The following PPWD1 variants were observed in gnomAD, a reference collection of about 807,000 sequenced individuals.
PPWD1 encodes the protein peptidylprolyl isomerase domain and WD repeat containing 1.
A neutral mutation model predicts 68.8 loss-of-function variants in PPWD1; 43 were observed. That is an observed-to-expected ratio of 0.62 (90% CI 0.49 to 0.81). The LOEUF is 0.81. Ranked by LOEUF, PPWD1 falls within the 30% of genes least tolerant of loss-of-function variation. The pLI is 0.00. For missense variants in PPWD1, 672 were observed against 804.8 expected, an observed-to-expected ratio of 0.83 and a Z score of 2.00; for synonymous variants, 232 against 258.7, an observed-to-expected ratio of 0.90 and a Z score of 0.99.
intron 8 of PPWD1, 178 bp downstream of exon 8, chr5:65,583,397 AT>A: frequency 1.7e-6 from 1 of 586,278 alleles, no homozygotes; most frequent in Non-Finnish European, 2.7e-6. Context: ...AAAATGGGAA[AT>A]TTTTATGCAT....
In PPWD1 at chr5:65,572,023, A is replaced by T; in HGVS notation, c.706A>T (p.Lys236Ter). 6.2e-7 allele frequency: 1 copy of T among 1,614,130 alleles called. No individual in the cohort carries two copies. Residue 236 changes from lysine to a stop codon, truncating the protein, a stop_gained, in exon 5 of 11, where the codon AAA (lysine) becomes TAA (stop). Transcript: ENST00000261308. LOFTEE classifies it high-confidence loss of function. ...LTQIRLNPVY[K>*]AVVSSDKSGM... ...TCAGATACGGCTAAACCCAGTTTACAAAGCAGTAGTGTCTTCTGACAAATC... is the reference window on the plus strand; with the variant it reads ...TCAGATACGGCTAAACCCAGTTTACTAAGCAGTAGTGTCTTCTGACAAATC...
intron 1 of PPWD1, among the ~76,000 whole-genome samples, chr5:65,564,318 CTTT>C (rs550753414): frequency 3.4e-5 from 4 of 117,208 alleles, no homozygotes; most frequent in African/African-American, 1.0e-4. Context: ...TTTTCTCTCT[CTTT>C]TTTTTTTTTT....
chr5:65,584,527 A>C (rs1753735504), intron 8 of PPWD1, among the ~76,000 whole-genome samples: 1 of 152,138 alleles, frequency 6.6e-6, no homozygotes, highest in African/African-American at 2.4e-5. Flanking sequence ...CTATACTACT[A>C]CATGCAGACC....
chr5:65,579,275 T>G, intron 6 of PPWD1, 149 bp from the exon 7 acceptor site: 1 of 1,235,452 alleles, frequency 8.1e-7, no homozygotes, highest in Non-Finnish European at 1.0e-6. Context: ...TTGATACCTT[T>G]TGGGGGGTAG....
Position 65,579,424 on chromosome 5 carries a change from G to A in PPWD1, c.1161G>A (p.Arg387=). 2 of 1,506,784 alleles carry A rather than the reference G, an allele frequency of 1.3e-6. No individual in the cohort carries two copies. The highest frequency in any genetic ancestry group is 1.8e-6 in the Non-Finnish European group (2 of 1,128,370). The allele number at this position is 1,506,784 out of a possible 1,614,324, so 93.3% of individuals were successfully genotyped here. ...GIKVINVETN[R]CVRILGKQEN... Reference sequence around the variant, plus strand: ...GTATAAAACATTGTTATATTTTTAGGTGTGTGCGGATTTTAGGCAAACAAG... The same window carrying A: ...GTATAAAACATTGTTATATTTTTAGATGTGTGCGGATTTTAGGCAAACAAG... Residue 387 remains arginine, a splice_region_variant and synonymous_variant, in exon 7 of 11, where the codon CGG becomes CGA. Transcript: ENST00000261308.
chr5:65,584,767 T>C lies in PPWD1; in HGVS notation c.1533-247T>C, dbSNP rs575787267. ...CTAAATGACCTTGAAATTTTAATAC[T>C]GTCAAACTCAAATATTAGTTAAGCA... On this transcript the variant is annotated intron_variant, in intron 8 of 10. Coordinates refer to ENST00000261308, the MANE Select transcript of PPWD1 (RefSeq NM_015342.4). Among the ~76,000 whole-genome samples, 11 of 152,226 alleles carry C rather than the reference T, an allele frequency of 7.2e-5. No homozygotes were observed. In the East Asian group the frequency reaches 2.1e-3, roughly 29 times the overall value.
At position 65,567,035 on chromosome 5, in the gene PPWD1, A is replaced by G. The variant is rs367716785; in HGVS notation, c.197-478A>G. On this transcript the variant is annotated intron_variant, in intron 1 of 10. Transcript: ENST00000261308. Reference sequence around the variant, plus strand: ...TTTAAATGTTTCAAACACAGTGTCAATAACTTGAAAGAGAATCAGTGCTTT... The same window carrying G: ...TTTAAATGTTTCAAACACAGTGTCAGTAACTTGAAAGAGAATCAGTGCTTT... 9.2e-5 allele frequency among the ~76,000 whole-genome samples: 14 copies of G among 152,268 alleles called. No homozygotes were observed. The East Asian group carries it at 2.5e-3, about 27-fold the overall frequency.
intron 7 of PPWD1, 104 bp from the exon 8 acceptor site, chr5:65,582,934 T>G: frequency 2.9e-6 from 4 of 1,356,874 alleles, no homozygotes; most frequent in Non-Finnish European, 3.9e-6. Flanking sequence ...CTGATGTGAA[T>G]TCTTACATTT....
chr5:65,569,805 T>G, intron 3 of PPWD1, 73 bp downstream of exon 3: 2 of 1,552,494 alleles, frequency 1.3e-6, no homozygotes, highest in South Asian at 1.2e-5. Flanking sequence ...TTTTTAAATT[T>G]TTTTTCTTTG....
chr5:65,585,865 A>G, intron 9 of PPWD1, 134 bp from the exon 10 acceptor site: 1 of 1,356,580 alleles, frequency 7.4e-7, no homozygotes, highest in South Asian at 1.7e-5. Context: ...TTAAGTGTTA[A>G]GGGTTTAATC....
rs1277328865 is a variant in PPWD1, at chr5:65,569,727, A to C, written c.395A>C (p.His132Pro). The change falls in exon 3 of 11, where the codon CAC (histidine) becomes CCC (proline). Residue 132 changes from histidine (H) to proline (P), a missense_variant. His to Pro is a moderately conservative substitution (Grantham distance 77). This residue lies in a region of PPWD1 where 484 missense variants were observed against 646.2 expected (regional missense o/e 0.75). Transcript: ENST00000261308. ...GIEFVKHFRS[H>P]LGVIESIAVS... ...GAATTTGTTAAACATTTTCGTAGTCACCTGGGTAAGAATTGCACCTCATTT... is the reference window on the plus strand; with the variant it reads ...GAATTTGTTAAACATTTTCGTAGTCCCCTGGGTAAGAATTGCACCTCATTT... 1 of 1,609,374 alleles carries C rather than the reference A, an allele frequency of 6.2e-7. No homozygotes were observed. The highest frequency in any genetic ancestry group is 1.1e-5 in the South Asian group (1 of 90,150).
chr5:65,579,275 T>C lies in PPWD1; in HGVS notation c.1161-149T>C, dbSNP rs1753486157. 6.5e-6 allele frequency: 8 copies of C among 1,235,334 alleles called. No homozygotes were observed. In the East Asian group the frequency reaches 2.5e-4, roughly 38 times the overall value. 76.5% of individuals were successfully genotyped at this position (1,235,334 alleles called of 1,614,324 possible). Reference sequence around the variant, plus strand: ...GCCTACCAGTTTAAATTGATACCTTTTGGGGGGTAGAGAAACACTTTTAAA... The same window carrying C: ...GCCTACCAGTTTAAATTGATACCTTCTGGGGGGTAGAGAAACACTTTTAAA... On this transcript the variant is annotated intron_variant, in intron 6 of 10. Coordinates refer to ENST00000261308, the MANE Select transcript of PPWD1 (RefSeq NM_015342.4).
chr5:65,568,946 G>A, intron 2 of PPWD1: 1 of 455,748 alleles, frequency 2.2e-6, no homozygotes, highest in Non-Finnish European at 4.4e-6. Flanking sequence ...GAGAATATAG[G>A]TTTTGTGGTG....
In PPWD1 at chr5:65,567,519, A is replaced by G. The variant is rs201414471; in HGVS notation, c.203A>G (p.Glu68Gly). 1.2e-6 allele frequency: 2 copies of G among 1,606,838 alleles called. No individual in the cohort carries two copies. The highest frequency in any genetic ancestry group is 2.7e-5 in the African/African-American group (2 of 74,558). Residue 68 changes from glutamate to glycine, a missense_variant, in exon 2 of 11, where the codon GAG (glutamate) becomes GGG (glycine). Transcript: ENST00000261308. ...TTTACTTTTTTTTCTTCAGTCTTAG[A>G]GTTTGAAAGAGTCTATCTTGATAAT... ...ATLAKKRKVL[E>G]FERVYLDNLP... is the part of the protein sequence containing the mutation.
intron 5 of PPWD1, among the ~76,000 whole-genome samples, chr5:65,572,516 G>C (rs756177655): frequency 5.3e-5 from 8 of 151,904 alleles, no homozygotes; most frequent in Non-Finnish European, 1.0e-4. Flanking sequence ...TTATTTTTGT[G>C]GTTATTTTGT....
intron 2 of PPWD1, chr5:65,568,849 A>G: frequency 2.2e-6 from 1 of 452,804 alleles, no homozygotes; most frequent in South Asian, 1.6e-5. Flanking sequence ...GTAAAACAGT[A>G]TATATATACA....
At chr5:65,580,622 G>A (rs567820327) in intron 7 of PPWD1, among the ~76,000 whole-genome samples, 6 of 152,030 alleles carry the variant, frequency 3.9e-5, no homozygotes, top group Non-Finnish European at 4.4e-5. Flanking sequence ...CCAGCAATTC[G>A]CCTGCCTCAG....
At chr5:65,576,492 C>T (rs1753287494) in intron 5 of PPWD1, 1 of 336,758 alleles carries the variant, frequency 3.0e-6, no homozygotes, top group Non-Finnish European at 4.2e-6. Flanking sequence ...TTCTCTTGCC[C>T]CAGCCTCCCG....
At chr5:65,575,682 G>A (rs1332039977) in intron 5 of PPWD1, among the ~76,000 whole-genome samples, 1 of 152,146 alleles carries the variant, frequency 6.6e-6, no homozygotes, top group Non-Finnish European at 1.5e-5. Context: ...TTCATAATAT[G>A]TTAATACAGT....
Sources: gnomAD v4.1 joint callset for allele counts (sites outside exome capture counted in the v4.1 genomes callset) on GRCh38, gnomAD v4.1.1 for gene constraint, gnomAD v4.1.1 regional missense constraint, MANE v1.5 for transcripts, NCBI Gene and HGNC (gene_info 2026-07-23, HGNC 2026-07-21) for gene names.